The following ASZ1 variants were observed in gnomAD, a reference collection of about 807,000 sequenced individuals.
ASZ1 encodes ankyrin repeat, SAM and basic leucine zipper domain-containing protein 1.
Under a neutral mutation model 61.8 loss-of-function variants are expected in ASZ1, and 67 were observed. The observed-to-expected ratio is 1.08, with a 90% CI of 0.89 to 1.33. The LOEUF is 1.33. ASZ1 is among the 40% of genes most tolerant of loss of function. The probability of loss-of-function intolerance (pLI) is 0.00; values close to 1 mark genes in which losing one functional copy is unlikely to be tolerated. For synonymous variants in ASZ1, 193 were observed against 192.7 expected (o/e 1.00, Z -0.01); for missense variants, 577 against 554.5 (o/e 1.04, Z -0.41).
intron 4 of ASZ1, among the ~76,000 whole-genome samples, chr7:117,407,265 T>C (rs918980525): frequency 6.6e-6 from 1 of 152,140 alleles, no homozygotes; most frequent in Non-Finnish European, 1.5e-5. Context: ...ATTAAGTATA[T>C]TATAATGAAG....
rs182305595 is a variant in ASZ1, at chr7:117,397,210, C to T, written c.441-11401G>A. Among the ~76,000 whole-genome samples, 687 of 150,622 alleles carry T rather than the reference C, an allele frequency of 4.6e-3. 1 individual carries two copies. Among genetic ancestry groups the T allele is most frequent in the Non-Finnish European group, 8.6e-3 (581 of 67,780 alleles). On this transcript the variant is annotated intron_variant, in intron 4 of 12. Coordinates refer to ENST00000284629, the MANE Select transcript of ASZ1 (RefSeq NM_130768.3). ...GGGCAACATAGTGAGACTCTGTCTCCGAACTGAACCGAACCGAACCGAACC... is the reference window on the plus strand; with the variant it reads ...GGGCAACATAGTGAGACTCTGTCTCTGAACTGAACCGAACCGAACCGAACC...
At chr7:117,370,987 G>A (rs1442445261) in intron 10 of ASZ1, among the ~76,000 whole-genome samples, 1 of 151,994 alleles carries the variant, frequency 6.6e-6, no homozygotes, top group African/African-American at 2.4e-5. Flanking sequence ...ACCATGCCCA[G>A]CTAATTTTTG....
chr7:117,363,835 C>A, intron 12 of ASZ1, 87 bp from the exon 13 acceptor site: 1 of 1,074,836 alleles, frequency 9.3e-7, no homozygotes, highest in East Asian at 3.0e-5. Flanking sequence ...TCATAATATC[C>A]ATGTTAATTC....
At chr7:117,417,076 T>C (rs1333573768) in intron 4 of ASZ1, among the ~76,000 whole-genome samples, 3 of 152,180 alleles carry the variant, frequency 2.0e-5, no homozygotes, top group Admixed American at 2.0e-4. Context: ...GAAGAGTTCA[T>C]GCTACTTTAC....
chr7:117,401,529 T>G (rs1420948475), intron 4 of ASZ1, among the ~76,000 whole-genome samples: 1 of 152,086 alleles, frequency 6.6e-6, no homozygotes, highest in Non-Finnish European at 1.5e-5. Flanking sequence ...TGGCACTATG[T>G]TTAAGGGGTT....
chr7:117,426,962 T>C lies in ASZ1; in HGVS notation c.106-27A>G, dbSNP rs1169700464. Reference sequence around the variant, plus strand: ...TAGAAAAGTAAACATTTTAAAAAATTCTTGTTATATATATTTTTGTTTCCA... The same window carrying C: ...TAGAAAAGTAAACATTTTAAAAAATCCTTGTTATATATATTTTTGTTTCCA... On this transcript the variant is annotated intron_variant, in intron 1 of 12. Transcript: ENST00000284629. 4 of 1,563,434 alleles carry C rather than the reference T, an allele frequency of 2.6e-6. No homozygotes were observed. In the South Asian group the frequency reaches 4.9e-5, roughly 19 times the overall value.
At chr7:117,376,946 GA>G (rs1012692387) in intron 10 of ASZ1, among the ~76,000 whole-genome samples, 1 of 151,272 alleles carries the variant, frequency 6.6e-6, no homozygotes, top group South Asian at 2.1e-4. Context: ...TGCCATGAGG[GA>G]AAAAAAAGGT....
chr7:117,372,887 TAA>T (rs374369133), intron 10 of ASZ1, among the ~76,000 whole-genome samples: 10 of 152,274 alleles, frequency 6.6e-5, no homozygotes, highest in African/African-American at 2.4e-4. Flanking sequence ...CCCATGACAT[TAA>T]GTTTCAAAAT....
At chr7:117,412,244 T>C (rs1043230112) in intron 4 of ASZ1, among the ~76,000 whole-genome samples, 2 of 151,986 alleles carry the variant, frequency 1.3e-5, no homozygotes, top group African/African-American at 4.8e-5. Flanking sequence ...TATTTTAATA[T>C]CTTATGACAA....
chr7:117,405,680 T>A (rs1796769159), intron 4 of ASZ1, among the ~76,000 whole-genome samples: 1 of 152,186 alleles, frequency 6.6e-6, no homozygotes, highest in Admixed American at 6.5e-5. Context: ...TCTTTCCAAC[T>A]TCCTAGCTGG....
At chr7:117,390,828 T>G (rs1473933578) in intron 4 of ASZ1, among the ~76,000 whole-genome samples, 2 of 152,106 alleles carry the variant, frequency 1.3e-5, no homozygotes, top group African/African-American at 2.4e-5. Context: ...CTCAGCCTCC[T>G]GAATAGCTGG....
intron 10 of ASZ1, among the ~76,000 whole-genome samples, chr7:117,372,269 G>A (rs930141381): frequency 2.0e-5 from 3 of 152,176 alleles, no homozygotes; most frequent in Non-Finnish European, 4.4e-5. Flanking sequence ...CCTGTCAGGG[G>A]ACTATAATTC....
At chr7:117,388,707 T>C (rs1269631105) in intron 4 of ASZ1, among the ~76,000 whole-genome samples, 1 of 152,168 alleles carries the variant, frequency 6.6e-6, no homozygotes, top group East Asian at 1.9e-4. Context: ...GAAAGAGTAC[T>C]TTCCCCCAAC....
intron 4 of ASZ1, among the ~76,000 whole-genome samples, chr7:117,418,584 C>G (rs930975010): frequency 2.0e-5 from 3 of 151,442 alleles, no homozygotes; most frequent in Non-Finnish European, 4.4e-5. Flanking sequence ...ACCCAGGAGG[C>G]AGAGGTTGCA....
chr7:117,379,540 A>G (rs2116463917), intron 10 of ASZ1, among the ~76,000 whole-genome samples: 1 of 151,918 alleles, frequency 6.6e-6, no homozygotes, highest in Middle Eastern at 3.4e-3. Flanking sequence ...CTGAAAATAG[A>G]ACTGAGCTAC....
chr7:117,392,694 C>T (rs745504575), intron 4 of ASZ1, among the ~76,000 whole-genome samples: 16 of 152,004 alleles, frequency 1.1e-4, no homozygotes, highest in Non-Finnish European at 1.9e-4. Flanking sequence ...TTTTAATTTG[C>T]CGATAAATGA....
intron 2 of ASZ1, among the ~76,000 whole-genome samples, chr7:117,425,020 C>G (rs571638263): frequency 1.3e-5 from 2 of 152,216 alleles, no homozygotes; most frequent in South Asian, 4.1e-4. Flanking sequence ...GTAACTTAGT[C>G]AAGGTTACAA....
chr7:117,373,425 G>A (rs1188241880), intron 10 of ASZ1, among the ~76,000 whole-genome samples: 1 of 152,102 alleles, frequency 6.6e-6, no homozygotes, highest in Non-Finnish European at 1.5e-5. Flanking sequence ...AAAAGTAAAT[G>A]CAGTGTGTGT....
At chr7:117,400,521 G>C (rs1373065458) in intron 4 of ASZ1, among the ~76,000 whole-genome samples, 2 of 152,140 alleles carry the variant, frequency 1.3e-5, no homozygotes, top group Admixed American at 1.3e-4. Context: ...AGTAACTTTA[G>C]GCCTTCTTAT....
Sources: gnomAD v4.1 joint callset for allele counts (sites outside exome capture counted in the v4.1 genomes callset) on GRCh38, gnomAD v4.1.1 for gene constraint, MANE v1.5 for transcripts, NCBI Gene and HGNC (gene_info 2026-07-23, HGNC 2026-07-21) for gene names.